TRAPPC9: variants seen among roughly 807,000 people sequenced by gnomAD.
TRAPPC9 encodes IKK2 binding protein.
Under a neutral mutation model 124.0 loss-of-function variants are expected in TRAPPC9, and 83 were observed. The observed-to-expected ratio is 0.67, with a 90% confidence interval of 0.56 to 0.80. TRAPPC9 has a LOEUF of 0.80. TRAPPC9 is among the 30% of genes least tolerant of loss of function. The pLI is 0.00. For missense variants in TRAPPC9, 1,302 were observed against 1,508.3 expected (o/e 0.86, Z 2.27); for synonymous variants, 638 against 617.5 (o/e 1.03, Z -0.49).
chr8:140,343,552 T>G (rs1261392613), intron 9 of TRAPPC9, among the ~76,000 whole-genome samples: 2 of 152,188 alleles, frequency 1.3e-5, no homozygotes, highest in Non-Finnish European at 2.9e-5. Context: ...TCTGCACATT[T>G]CACTTCCTAA....
chr8:140,427,087 G>A (rs1004967184), intron 4 of TRAPPC9, among the ~76,000 whole-genome samples: 8 of 110,186 alleles, frequency 7.3e-5, no homozygotes, highest in South Asian at 4.2e-4. Context: ...CACCACGACC[G>A]GCTAATTTTT....
chr8:139,898,035 A>C (rs1279367982), intron 20 of TRAPPC9, among the ~76,000 whole-genome samples: 1 of 152,266 alleles, frequency 6.6e-6, no homozygotes, highest in Non-Finnish European at 1.5e-5. Flanking sequence ...GCTCTGTGTT[A>C]TTGGCTTAGG....
At chr8:140,219,195 G>A (rs1341052589) in intron 17 of TRAPPC9, among the ~76,000 whole-genome samples, 1 of 152,168 alleles carries the variant, frequency 6.6e-6, no homozygotes, top group Non-Finnish European at 1.5e-5. Context: ...AAGAAAGGAA[G>A]GGGAGAAGGA....
At chr8:139,758,201 C>T (rs574630749) in intron 21 of TRAPPC9, among the ~76,000 whole-genome samples, 3 of 152,330 alleles carry the variant, frequency 2.0e-5, no homozygotes, top group Admixed American at 6.5e-5. Context: ...TGGAGGTGCC[C>T]ATCGCTGGAC....
chr8:139,817,921 C>T (rs1401622221), intron 21 of TRAPPC9, among the ~76,000 whole-genome samples: 1 of 152,190 alleles, frequency 6.6e-6, no homozygotes, highest in Non-Finnish European at 1.5e-5. Flanking sequence ...ATACCGAGAT[C>T]CCCAAAGACA....
intron 16 of TRAPPC9, among the ~76,000 whole-genome samples, chr8:140,232,821 T>A (rs1315691292): frequency 6.6e-6 from 1 of 152,156 alleles, no homozygotes; most frequent in African/African-American, 2.4e-5. Context: ...AGGATAAAAA[T>A]CAGGGAAACA....
At chr8:140,053,538 T>C (rs559350370) in intron 17 of TRAPPC9, among the ~76,000 whole-genome samples, 2 of 152,344 alleles carry the variant, frequency 1.3e-5, no homozygotes, top group Admixed American at 1.3e-4. Context: ...AATCTGCCAC[T>C]GTTGGGTGGG....
intron 9 of TRAPPC9, among the ~76,000 whole-genome samples, chr8:140,318,407 T>C (rs1453721770): frequency 4.6e-5 from 7 of 152,234 alleles, no homozygotes; most frequent in African/African-American, 1.2e-4. Context: ...TTTAGTAATA[T>C]TGAAATGTAC....
chr8:140,264,967 A>C (rs746540206), intron 15 of TRAPPC9, among the ~76,000 whole-genome samples: 2 of 152,228 alleles, frequency 1.3e-5, no homozygotes, highest in Non-Finnish European at 2.9e-5. Flanking sequence ...CAACTTGCTC[A>C]AGACAAGTCA....
At chr8:139,764,997 C>T (rs1820492164) in intron 21 of TRAPPC9, among the ~76,000 whole-genome samples, 1 of 152,188 alleles carries the variant, frequency 6.6e-6, no homozygotes, top group Admixed American at 6.5e-5. Context: ...CACAGTAGGT[C>T]TTCAGGCCAC....
chr8:140,101,542 T>G (rs546381796), intron 17 of TRAPPC9, among the ~76,000 whole-genome samples: 2 of 124,740 alleles, frequency 1.6e-5, no homozygotes, highest in Non-Finnish European at 3.5e-5. Flanking sequence ...CTTTTTTTTG[T>G]TTTTTTTTTT....
intron 9 of TRAPPC9, among the ~76,000 whole-genome samples, chr8:140,325,870 G>A (rs1028384384): frequency 2.0e-4 from 31 of 152,088 alleles, no homozygotes; most frequent in Non-Finnish European, 1.3e-4. Context: ...GAGATAAACA[G>A]CAGCATTCAG....
chr8:140,018,054 A>G (rs1161295211), intron 18 of TRAPPC9, among the ~76,000 whole-genome samples: 1 of 152,178 alleles, frequency 6.6e-6, no homozygotes, highest in East Asian at 1.9e-4. Flanking sequence ...CATACTGGCC[A>G]GGCTGGTCTT....
chr8:139,865,979 G>C (rs1034921037), intron 21 of TRAPPC9, among the ~76,000 whole-genome samples: 1 of 151,466 alleles, frequency 6.6e-6, no homozygotes, highest in Non-Finnish European at 1.5e-5. Context: ...ACATCGGTTC[G>C]GTCCAAAAAG....
At chr8:140,171,936 G>A (rs1164006516) in intron 17 of TRAPPC9, among the ~76,000 whole-genome samples, 3 of 152,186 alleles carry the variant, frequency 2.0e-5, no homozygotes, top group Non-Finnish European at 2.9e-5. Flanking sequence ...AGTATCTGGC[G>A]GCGTGAGGAG....
intron 19 of TRAPPC9, chr8:139,932,326 A>G (rs778452712): frequency 2.2e-6 from 1 of 457,340 alleles, no homozygotes; most frequent in Non-Finnish European, 4.4e-6. Context: ...AGGCTTGGCC[A>G]CAGGTCCTTG....
intron 18 of TRAPPC9, among the ~76,000 whole-genome samples, chr8:140,003,816 A>G (rs1226127683): frequency 6.6e-6 from 1 of 152,224 alleles, no homozygotes; most frequent in Non-Finnish European, 1.5e-5. Context: ...TGAAAAATAC[A>G]TCATATAATC....
chr8:140,024,224 C>A, intron 17 of TRAPPC9, 145 bp from the exon 18 acceptor site: 1 of 1,031,660 alleles, frequency 9.7e-7, no homozygotes, highest in East Asian at 2.6e-5. Flanking sequence ...ACTCACAACC[C>A]CGGCGGGTAC....
chr8:140,381,038 T>A (rs907006033), intron 7 of TRAPPC9, among the ~76,000 whole-genome samples: 4 of 151,446 alleles, frequency 2.6e-5, no homozygotes, highest in African/African-American at 9.7e-5. Flanking sequence ...AACCCTGTCT[T>A]TACTAAAAAT....
Sources: gnomAD v4.1 joint callset for allele counts (sites outside exome capture counted in the v4.1 genomes callset) on GRCh38, gnomAD v4.1.1 for gene constraint, MANE v1.5 for transcripts, NCBI Gene and HGNC (gene_info 2026-07-23, HGNC 2026-07-21) for gene names.